The following TBC1D9 variants were observed in gnomAD, a reference collection of about 807,000 sequenced individuals.
TBC1D9 encodes the protein TBC1 domain family member 9.
A neutral mutation model predicts 132.0 loss-of-function variants in TBC1D9; 63 were observed. That is an observed-to-expected ratio of 0.48 (90% CI 0.39 to 0.59). The LOEUF is 0.59. TBC1D9 is among the 20% of genes least tolerant of loss of function. TBC1D9 has a pLI of 0.00. For synonymous variants in TBC1D9, 610 were observed against 609.9 expected, an observed-to-expected ratio of 1.00 and a Z score of 0.00; for missense variants, 1,261 against 1,592.7, an observed-to-expected ratio of 0.79 and a Z score of 3.54.
chr4:140,709,804 G>A (rs1738210326), intron 1 of TBC1D9, among the ~76,000 whole-genome samples: 1 of 152,192 alleles, frequency 6.6e-6, no homozygotes, highest in Non-Finnish European at 1.5e-5. Context: ...TAAGGAGCTT[G>A]CAACCTAGAT....
At chr4:140,666,987 G>A (rs193024903) in intron 9 of TBC1D9, among the ~76,000 whole-genome samples, 16 of 152,294 alleles carry the variant, frequency 1.1e-4, no homozygotes, top group African/African-American at 3.4e-4. Context: ...GGGACATAAC[G>A]CTGGCTTTTG....
chr4:140,728,441 ATTAAT>A lies in TBC1D9; in HGVS notation c.131-26832_131-26828del, dbSNP rs541366947. Reference sequence around the variant, plus strand: ...AGTAACAGTTTTAACAAAACTTTCAATTAATTTAAGTTAGCCATCTTAGAAAAGTA... The same window carrying A: ...AGTAACAGTTTTAACAAAACTTTCAATTAAGTTAGCCATCTTAGAAAAGTA... On this transcript the variant is annotated intron_variant, in intron 1 of 20. Transcript: ENST00000442267. Among the ~76,000 whole-genome samples the A allele has an allele frequency of 2.3e-3, 345 of 151,148 alleles. 1 individual carries two copies. The highest frequency in any genetic ancestry group is 7.2e-3 in the African/African-American group (296 of 41,264).
chr4:140,733,293 T>C (rs1032082109), intron 1 of TBC1D9, among the ~76,000 whole-genome samples: 43 of 151,648 alleles, frequency 2.8e-4, no homozygotes, highest in African/African-American at 1.0e-3. Flanking sequence ...AAAATAATTA[T>C]GTGATTTTTT....
In TBC1D9 at chr4:140,686,302, G is replaced by A. The variant is rs199552413; in HGVS notation, c.360+42C>T. The A allele has an allele frequency of 1.3e-4, 152 of 1,208,216 alleles. No individual in the cohort carries two copies. The African/African-American group carries it at 1.8e-3, about 14-fold the overall frequency. 74.8% of individuals were successfully genotyped at this position (1,208,216 alleles called of 1,614,324 possible). ...ATTTTTACAACATTTCTGTAAATTT[G>A]AAATTATTTCCAATTAAAATGTTTT... On this transcript the variant is annotated intron_variant, in intron 3 of 20. Coordinates refer to ENST00000442267, the MANE Select transcript of TBC1D9 (RefSeq NM_015130.3).
chr4:140,713,119 T>G (rs917305813), intron 1 of TBC1D9, among the ~76,000 whole-genome samples: 1 of 152,202 alleles, frequency 6.6e-6, no homozygotes, highest in Non-Finnish European at 1.5e-5. Flanking sequence ...AATTTTTTTA[T>G]AGAAATGGGG....
intron 18 of TBC1D9, 85 bp from the exon 19 acceptor site, chr4:140,624,473 C>G: frequency 8.2e-7 from 1 of 1,218,142 alleles, no homozygotes; most frequent in East Asian, 2.5e-5. Context: ...AAATAGAAGA[C>G]TCTCTAAGTA....
rs140603434 is a variant in TBC1D9, at chr4:140,708,673, G to A, written c.131-7059C>T. ...GGGTCAGCTCCATAATTATAAATGC[G>A]CCAGAGTTCCTAGAGGCACCATAGC... On this transcript the variant is annotated intron_variant, in intron 1 of 20. Transcript: ENST00000442267. 5.3e-5 allele frequency among the ~76,000 whole-genome samples: 8 copies of A among 152,236 alleles called. No individual in the cohort carries two copies. The East Asian group carries it at 1.4e-3, about 26-fold the overall frequency.
Position 140,678,935 on chromosome 4 carries a change from C to T in TBC1D9, c.851+7G>A. 1 of 1,612,814 alleles carries T rather than the reference C, an allele frequency of 6.2e-7. No individual in the cohort carries two copies. Reference sequence around the variant, plus strand: ...AGTCTGGAAGATACAAGGTCTCTATCACCCACCGTTTTAGAGCAGACACTT... The same window carrying T: ...AGTCTGGAAGATACAAGGTCTCTATTACCCACCGTTTTAGAGCAGACACTT... On this transcript the variant is annotated splice_region_variant and intron_variant, in intron 5 of 20. Transcript: ENST00000442267.
intron 1 of TBC1D9, among the ~76,000 whole-genome samples, chr4:140,705,255 C>T (rs746207772): frequency 2.2e-4 from 33 of 152,182 alleles, no homozygotes; most frequent in Non-Finnish European, 4.1e-4. Flanking sequence ...CAAACAGCAG[C>T]AAACTCCTAA....
At chr4:140,700,020 A>G (rs1446931700) in intron 2 of TBC1D9, among the ~76,000 whole-genome samples, 1 of 152,136 alleles carries the variant, frequency 6.6e-6, no homozygotes, top group East Asian at 1.9e-4. Flanking sequence ...TTTTGGGCCA[A>G]TTGCAGTGGC....
At chr4:140,698,545 C>T (rs143872890) in intron 2 of TBC1D9, among the ~76,000 whole-genome samples, 3 of 152,140 alleles carry the variant, frequency 2.0e-5, no homozygotes, top group Non-Finnish European at 2.9e-5. Flanking sequence ...ATCAGGAGTT[C>T]GAGACCAGCC....
At chr4:140,691,208 G>A (rs1275381386) in intron 2 of TBC1D9, among the ~76,000 whole-genome samples, 3 of 152,106 alleles carry the variant, frequency 2.0e-5, no homozygotes, top group African/African-American at 4.8e-5. Context: ...GGCCACTTCT[G>A]TCCACTTCTC....
intron 2 of TBC1D9, among the ~76,000 whole-genome samples, chr4:140,694,623 T>C (rs1737924102): frequency 6.6e-6 from 1 of 150,432 alleles, no homozygotes. Flanking sequence ...ATACATTTTA[T>C]TGACATAAAA....
chr4:140,642,113 C>T, intron 13 of TBC1D9: 1 of 742,104 alleles, frequency 1.3e-6, no homozygotes, highest in Admixed American at 1.9e-5. Context: ...CCCTCTTGGT[C>T]AGCTAGGGGC....
intron 13 of TBC1D9, among the ~76,000 whole-genome samples, chr4:140,650,761 C>G (rs941538980): frequency 2.0e-5 from 3 of 152,124 alleles, no homozygotes; most frequent in African/African-American, 7.2e-5. Flanking sequence ...CTTCCAACTC[C>G]TGACCTCAGG....
At chr4:140,648,088 C>T (rs1459358256) in intron 13 of TBC1D9, among the ~76,000 whole-genome samples, 2 of 152,164 alleles carry the variant, frequency 1.3e-5, no homozygotes, top group East Asian at 3.9e-4. Context: ...ACCACATATT[C>T]CAGTTCCTTG....
At chr4:140,705,512 A>G (rs971799194) in intron 1 of TBC1D9, among the ~76,000 whole-genome samples, 2 of 142,192 alleles carry the variant, frequency 1.4e-5, no homozygotes, top group South Asian at 2.3e-4. Flanking sequence ...GGGTGTGTGC[A>G]TGTGTGTGTG....
At chr4:140,683,834 T>C (rs1357908582) in intron 3 of TBC1D9, among the ~76,000 whole-genome samples, 1 of 152,250 alleles carries the variant, frequency 6.6e-6, no homozygotes, top group Non-Finnish European at 1.5e-5. Flanking sequence ...ACTTAACCCA[T>C]TCATCCAAAT....
intron 2 of TBC1D9, among the ~76,000 whole-genome samples, chr4:140,698,511 A>G (rs973436565): frequency 6.6e-6 from 1 of 152,078 alleles, no homozygotes; most frequent in African/African-American, 2.4e-5. Context: ...AGCATTTTGG[A>G]GGCCGAGGTG....
Sources: allele counts gnomAD v4.1 joint callset (sites outside exome capture counted in the v4.1 genomes callset), GRCh38; gene constraint gnomAD v4.1.1; transcripts MANE v1.5; gene names NCBI Gene and HGNC (gene_info 2026-07-23, HGNC 2026-07-21).